Variants in GPM6B observed in about 807,000 individuals in gnomAD.
GPM6B encodes neuronal membrane glycoprotein M6-b.
GPM6B carries 4 observed loss-of-function variants against 27.2 expected under a neutral mutation model. The ratio of observed to expected loss-of-function variants is 0.15; its 90% CI spans 0.07 to 0.34. The LOEUF (loss-of-function observed/expected upper bound fraction) is 0.34. Ranked by LOEUF, GPM6B falls within the 10% of genes least tolerant of loss-of-function variation. The probability of loss-of-function intolerance (pLI) is 1.00; values close to 1 mark genes in which losing one functional copy is unlikely to be tolerated. For missense variants in GPM6B, 183 were observed against 261.9 expected, an observed-to-expected ratio of 0.70 and a Z score of 2.08; for synonymous variants, 124 against 103.1, an observed-to-expected ratio of 1.20 and a Z score of -1.23.
chrX:13,937,785 G>T (rs1019277922), intron 1 of GPM6B, among the ~76,000 whole-genome samples: 2 of 111,495 alleles, frequency 1.8e-5, no homozygotes, highest in Non-Finnish European at 1.9e-5. Context: ...CCAGGTTGGA[G>T]ATTTCAGATT....
intron 1 of GPM6B, among the ~76,000 whole-genome samples, chrX:13,860,140 A>G (rs2049826840): frequency 8.9e-6 from 1 of 112,568 alleles, no homozygotes; most frequent in Admixed American, 9.4e-5. Context: ...TCAGTTGGCC[A>G]GGCGGCTTTT....
chrX:13,865,542 C>CAAAAAAAAAAAAAAAAAAAAAA lies in GPM6B; in HGVS notation c.-198+72784_-198+72785insTTTTTTTTTTTTTTTTTTTTTT, dbSNP rs1171503867. ...ACCACACGGTAAAAATCCATCTCTT[C>CAAAAAAAAAAAAAAAAAAAAAA]AAAAAAAAAAAAAAAAAAAAGAAAG... is the stretch of plus-strand genomic sequence containing the variant. On this transcript the variant is annotated intron_variant, in intron 1 of 6. Transcript: ENST00000398361. Among the ~76,000 whole-genome samples the CAAAAAAAAAAAAAAAAAAAAAA allele has an allele frequency of 6.8e-4, 10 of 14,626 alleles. 1 individual carries two copies. Among genetic ancestry groups the CAAAAAAAAAAAAAAAAAAAAAA allele is most frequent in the South Asian group, 4.3e-3 (1 of 231 alleles). 12.7% of individuals were successfully genotyped at this position (14,626 alleles called of 115,157 possible).
At chrX:13,836,802 T>C (rs1417016339) in intron 1 of GPM6B, among the ~76,000 whole-genome samples, 4 of 112,553 alleles carry the variant, frequency 3.6e-5, no homozygotes, top group Non-Finnish European at 7.5e-5. Context: ...AATTTCAATT[T>C]GGAAGCACTT....
intron 1 of GPM6B, among the ~76,000 whole-genome samples, chrX:13,841,901 T>C (rs2147230178): frequency 8.9e-6 from 1 of 111,765 alleles, no homozygotes; most frequent in African/African-American, 3.3e-5. Context: ...TGGACCAGTT[T>C]CCTTCTCACT....
intron 1 of GPM6B, among the ~76,000 whole-genome samples, chrX:13,922,415 A>T (rs1920990966): frequency 8.9e-6 from 1 of 111,990 alleles, no homozygotes; most frequent in Non-Finnish European, 1.9e-5. Context: ...TCTTCTTGAG[A>T]CAAAAAGAAC....
chrX:13,902,261 C>T (rs2050288720), intron 1 of GPM6B, among the ~76,000 whole-genome samples: 1 of 111,375 alleles, frequency 9.0e-6, no homozygotes, highest in African/African-American at 3.3e-5. Context: ...CACTCCATGC[C>T]TTAAATACAC....
At chrX:13,878,956 TTCTAGAAAGAAACACAGTTCA>T (rs1163774852) in intron 1 of GPM6B, among the ~76,000 whole-genome samples, 1 of 111,831 alleles carries the variant, frequency 8.9e-6, no homozygotes, top group Non-Finnish European at 1.9e-5. Flanking sequence ...CCCCTAGGGC[TTCTAGAAAGAAACACAGTTCA>T]TCTACACCTG....
intron 1 of GPM6B, among the ~76,000 whole-genome samples, chrX:13,926,850 G>A (rs1304865860): frequency 1.8e-5 from 2 of 111,702 alleles, no homozygotes; most frequent in African/African-American, 6.5e-5. Flanking sequence ...TGACTTTGGG[G>A]ATAGAAACAA....
At chrX:13,832,759 C>G (rs756901941) in intron 1 of GPM6B, among the ~76,000 whole-genome samples, 57 of 111,684 alleles carry the variant, frequency 5.1e-4, no homozygotes, top group African/African-American at 1.8e-3. Flanking sequence ...TAGTCAGTGG[C>G]CTTTGAAAAT....
chrX:13,934,218 A>G (rs923681334), intron 1 of GPM6B, among the ~76,000 whole-genome samples: 2 of 111,402 alleles, frequency 1.8e-5, no homozygotes, highest in African/African-American at 6.5e-5. Flanking sequence ...CCCGATATTA[A>G]AAGGGAGCTC....
At chrX:13,902,779 G>T (rs2050293968) in intron 1 of GPM6B, among the ~76,000 whole-genome samples, 1 of 111,684 alleles carries the variant, frequency 9.0e-6, no homozygotes, top group African/African-American at 3.3e-5. Context: ...CAATTCCAAT[G>T]ACAGTTACTG....
intron 5 of GPM6B, among the ~76,000 whole-genome samples, chrX:13,777,972 T>C (rs756481264): frequency 4.9e-4 from 55 of 112,182 alleles, no homozygotes; most frequent in African/African-American, 1.7e-3. Context: ...GATTTGTACT[T>C]TGTCTTTGTT....
chrX:13,887,556 A>G (rs895513907), intron 1 of GPM6B, among the ~76,000 whole-genome samples: 1 of 111,799 alleles, frequency 8.9e-6, no homozygotes, highest in African/African-American at 3.3e-5. Flanking sequence ...CAGACATTAG[A>G]TAACTGAGCC....
chrX:13,848,370 T>C (rs1448483515), intron 1 of GPM6B, among the ~76,000 whole-genome samples: 1 of 111,435 alleles, frequency 9.0e-6, no homozygotes, highest in East Asian at 2.8e-4. Context: ...AACCTCTCCA[T>C]CTCAGAGTGT....
intron 1 of GPM6B, among the ~76,000 whole-genome samples, chrX:13,863,256 C>T (rs948558841): frequency 2.7e-5 from 3 of 111,891 alleles, no homozygotes; most frequent in East Asian, 2.8e-4. Flanking sequence ...GATAATTTCA[C>T]ACAATCTTAA....
At chrX:13,863,730 C>T (rs990524285) in intron 1 of GPM6B, among the ~76,000 whole-genome samples, 2 of 112,205 alleles carry the variant, frequency 1.8e-5, no homozygotes, top group Non-Finnish European at 3.8e-5. Flanking sequence ...TTTCTTCCCA[C>T]AGAAAGACTG....
At chrX:13,848,117 G>A (rs567574672) in intron 1 of GPM6B, among the ~76,000 whole-genome samples, 14 of 112,123 alleles carry the variant, frequency 1.2e-4, no homozygotes, top group African/African-American at 1.9e-4. Context: ...GAAGAAAGCC[G>A]TCTTGCCCAT....
chrX:13,824,950 T>C (rs920103353), intron 1 of GPM6B, among the ~76,000 whole-genome samples: 3 of 112,008 alleles, frequency 2.7e-5, no homozygotes, highest in Non-Finnish European at 5.6e-5. Context: ...AGATCCTTTT[T>C]TCAGCCTGCA....
chrX:13,837,546 C>T (rs777329075), intron 1 of GPM6B, among the ~76,000 whole-genome samples: 4 of 111,401 alleles, frequency 3.6e-5, no homozygotes, highest in Non-Finnish European at 5.7e-5. Context: ...AATAACAAAA[C>T]CCCGAACCCT....
Sources: gnomAD v4.1 joint callset for allele counts (sites outside exome capture counted in the v4.1 genomes callset) on GRCh38, gnomAD v4.1.1 for gene constraint, MANE v1.5 for transcripts, NCBI Gene and HGNC (gene_info 2026-07-23, HGNC 2026-07-21) for gene names.